The following SCHIP1 variants were observed in gnomAD, a reference collection of about 807,000 sequenced individuals.
The protein encoded by SCHIP1 is schwannomin interacting protein 1, also known as schwannomin-interacting protein 1.
A neutral mutation model predicts 29.7 loss-of-function variants in SCHIP1; 8 were observed. That is an observed-to-expected ratio of 0.27 (90% CI 0.16 to 0.49). The LOEUF is 0.49. Among genes scored for constraint, SCHIP1 ranks in the 20% least tolerant of loss-of-function variants. The pLI is 0.99. For synonymous variants in SCHIP1, 76 were observed against 94.9 expected (o/e 0.80, Z 1.16); for missense variants, 193 against 294.6 (o/e 0.66, Z 2.52).
At chr3:159,496,550 A>G in the SCHIP1 span, among the ~76,000 whole-genome samples, 8 of 152,194 alleles carry the variant, frequency 5.3e-5, no homozygotes, top group Admixed American at 2.0e-4. Flanking sequence ...CAAAACCACA[A>G]TGAGATACCA....
the SCHIP1 span, among the ~76,000 whole-genome samples, chr3:159,756,223 G>T: frequency 1.3e-5 from 2 of 152,198 alleles, no homozygotes; most frequent in African/African-American, 4.8e-5. Flanking sequence ...GCAAACTTCT[G>T]CCTGGGCATC....
chr3:159,333,926 A>G, the SCHIP1 span, among the ~76,000 whole-genome samples: 1 of 152,156 alleles, frequency 6.6e-6, no homozygotes, highest in Non-Finnish European at 1.5e-5. Flanking sequence ...ATTTAATTCT[A>G]AGTTCTAAGA....
chr3:159,780,648 T>C, the SCHIP1 span, among the ~76,000 whole-genome samples: 1 of 152,158 alleles, frequency 6.6e-6, no homozygotes, highest in African/African-American at 2.4e-5. Flanking sequence ...CATAGAGACA[T>C]CAGGGTTCAT....
intron 2 of SCHIP1, among the ~76,000 whole-genome samples, chr3:159,875,776 A>G (rs1715740295): frequency 1.3e-5 from 2 of 152,144 alleles, no homozygotes; most frequent in African/African-American, 4.8e-5. Flanking sequence ...GATTGTTCTC[A>G]TTCAGATTAT....
the SCHIP1 span, among the ~76,000 whole-genome samples, chr3:159,767,864 T>G: frequency 6.6e-6 from 1 of 152,186 alleles, no homozygotes; most frequent in African/African-American, 2.4e-5. Flanking sequence ...TCTTATTTAG[T>G]CCTCTATTTT....
At chr3:159,570,890 T>G in the SCHIP1 span, among the ~76,000 whole-genome samples, 1 of 152,190 alleles carries the variant, frequency 6.6e-6, no homozygotes, top group Non-Finnish European at 1.5e-5. Flanking sequence ...CCTAGGTATT[T>G]TATTCTCTTT....
At chr3:159,558,273 T>A in the SCHIP1 span, among the ~76,000 whole-genome samples, 1 of 152,202 alleles carries the variant, frequency 6.6e-6, no homozygotes, top group Non-Finnish European at 1.5e-5. Context: ...CTAAAGAAGA[T>A]GTGTGACTTC....
At position 159,848,608 on chromosome 3, in the gene SCHIP1, T is replaced by C. The variant is rs1030367771; in HGVS notation, c.30+8394T>C. ...TAATGGCTGATAATGATTTTTTTTT[T>C]CAAGTTCTAGAGCAACCCTTCTACA... On this transcript the variant is annotated intron_variant, in intron 1 of 6. Coordinates refer to ENST00000445224, the Ensembl canonical transcript of SCHIP1. 3.6e-4 allele frequency among the ~76,000 whole-genome samples: 55 copies of C among 152,268 alleles called. 1 individual carries two copies. The highest frequency in any genetic ancestry group is 6.8e-3 in the Middle Eastern group (2 of 294).
chr3:159,866,766 TTTTC>T (rs1237352978), intron 2 of SCHIP1, among the ~76,000 whole-genome samples: 1 of 152,226 alleles, frequency 6.6e-6, no homozygotes, highest in African/African-American at 2.4e-5. Context: ...TTCTGGTGGT[TTTTC>T]TTTATCTTAA....
the SCHIP1 span, among the ~76,000 whole-genome samples, chr3:159,650,078 T>C: frequency 2.0e-5 from 3 of 152,210 alleles, no homozygotes; most frequent in Non-Finnish European, 1.5e-5. Flanking sequence ...TATTTTTTAA[T>C]TCATACTCTC....
the SCHIP1 span, among the ~76,000 whole-genome samples, chr3:159,514,135 C>T: frequency 5.3e-5 from 8 of 152,176 alleles, no homozygotes; most frequent in Non-Finnish European, 1.0e-4. Flanking sequence ...CACAGGCAAA[C>T]TGGCTTCCCT....
chr3:159,345,729 C>G, the SCHIP1 span, among the ~76,000 whole-genome samples: 33 of 152,208 alleles, frequency 2.2e-4, no homozygotes, highest in East Asian at 5.2e-3. Flanking sequence ...CAAAAGAAAT[C>G]TGTATGTATT....
At chr3:159,836,726 GA>G (rs541062760), upstream of SCHIP1, among the ~76,000 whole-genome samples, 26 of 147,740 alleles carry the variant, frequency 1.8e-4, 2 homozygotes, top group East Asian at 9.8e-4. Flanking sequence ...GATCTGAGAA[GA>G]AAAAAAAAAT....
At chr3:159,625,999 C>T in the SCHIP1 span, among the ~76,000 whole-genome samples, 1 of 151,538 alleles carries the variant, frequency 6.6e-6, no homozygotes, top group East Asian at 1.9e-4. Flanking sequence ...GAGGATTTGA[C>T]ATGAACAGCG....
the SCHIP1 span, among the ~76,000 whole-genome samples, chr3:159,558,143 A>C: frequency 2.6e-5 from 4 of 152,328 alleles, no homozygotes; most frequent in African/African-American, 9.6e-5. Context: ...GAAGACAAGC[A>C]TCAAAAGCCA....
the SCHIP1 span, among the ~76,000 whole-genome samples, chr3:159,724,707 G>A: frequency 2.6e-4 from 39 of 152,232 alleles, no homozygotes; most frequent in East Asian, 6.6e-3. Context: ...TGAGTGACTC[G>A]AATCCCTGGG....
chr3:159,369,992 G>T, the SCHIP1 span, among the ~76,000 whole-genome samples: 1 of 152,154 alleles, frequency 6.6e-6, no homozygotes, highest in Non-Finnish European at 1.5e-5. Flanking sequence ...GGGAGCATGA[G>T]TTCTGGTCCC....
At chr3:159,443,682 T>C in the SCHIP1 span, among the ~76,000 whole-genome samples, 1 of 152,176 alleles carries the variant, frequency 6.6e-6, no homozygotes, top group African/African-American at 2.4e-5. Context: ...CTAATTTTTC[T>C]ATTTTTAGTA....
At chr3:159,755,101 G>A in the SCHIP1 span, among the ~76,000 whole-genome samples, 6 of 152,096 alleles carry the variant, frequency 3.9e-5, no homozygotes, top group Admixed American at 6.5e-5. Flanking sequence ...CAGGCGTGGC[G>A]GCAGGCACCT....
Sources: gnomAD v4.1 joint callset for allele counts (sites outside exome capture counted in the v4.1 genomes callset) on GRCh38, gnomAD v4.1.1 for gene constraint, MANE v1.5 for transcripts, NCBI Gene and HGNC (gene_info 2026-07-23, HGNC 2026-07-21) for gene names.